Variants in SLC41A3 observed in about 807,000 individuals in gnomAD.
SLC41A3 encodes SLC41A1-like 2.
In SLC41A3, 44 loss-of-function variants were observed where a neutral mutation model predicts 45.4. That is an observed-to-expected ratio of 0.97 (90% confidence interval 0.76 to 1.25). The LOEUF (loss-of-function observed/expected upper bound fraction) is 1.25. Among genes scored for constraint, SLC41A3 ranks in the 50% most tolerant of loss-of-function variants. SLC41A3 has a pLI of 0.00. For missense variants in SLC41A3, 550 were observed against 600.6 expected, an observed-to-expected ratio of 0.92 and a Z score of 0.88; for synonymous variants, 256 against 252.4, an observed-to-expected ratio of 1.01 and a Z score of -0.13.
intron 8 of SLC41A3, among the ~76,000 whole-genome samples, chr3:126,013,105 T>C (rs559619704): frequency 6.6e-6 from 1 of 151,952 alleles, no homozygotes; most frequent in African/African-American, 2.4e-5. Flanking sequence ...GATAGAAAGG[T>C]CTGAGAATAG....
chr3:126,084,843 A>G (rs7649279), upstream of SLC41A3, among the ~76,000 whole-genome samples: 108,085 of 152,144 alleles, frequency 0.71, 39,560 homozygotes, highest in African/African-American at 0.9. Context: ...CTCAGCCAGG[A>G]CTTTTAGAAT....
intron 6 of SLC41A3, 26 bp from the exon 7 acceptor site, chr3:126,016,901 A>C: frequency 6.2e-7 from 1 of 1,605,894 alleles, no homozygotes; most frequent in Non-Finnish European, 8.5e-7. Context: ...GGACACACGC[A>C]GCTCATGTGG....
intron 1 of SLC41A3, among the ~76,000 whole-genome samples, chr3:126,097,779 A>G (rs900982090): frequency 6.6e-6 from 1 of 152,176 alleles, no homozygotes; most frequent in Non-Finnish European, 1.5e-5. Flanking sequence ...AAGCACGGGG[A>G]AAATGGGAGC....
intron 6 of SLC41A3, 42 bp from the exon 7 acceptor site, chr3:126,016,917 G>C (rs768325017): frequency 1.9e-6 from 3 of 1,600,256 alleles, no homozygotes; most frequent in Admixed American, 3.4e-5. Context: ...TGTGGCCAAG[G>C]CCAGCACACA....
intron 1 of SLC41A3, among the ~76,000 whole-genome samples, chr3:126,099,057 G>A (rs1411047447): frequency 6.6e-6 from 1 of 151,002 alleles, no homozygotes; most frequent in Non-Finnish European, 1.5e-5. Context: ...ATGAGCCACT[G>A]TGCCTGGCCA....
At chr3:126,051,338 C>G (rs1943323265) in intron 2 of SLC41A3, among the ~76,000 whole-genome samples, 1 of 152,216 alleles carries the variant, frequency 6.6e-6, no homozygotes, top group African/African-American at 2.4e-5. Context: ...ACCATGGGTT[C>G]TCTAGAGGCA....
intron 3 of SLC41A3, among the ~76,000 whole-genome samples, chr3:126,041,007 A>G (rs1472647406): frequency 6.6e-6 from 1 of 152,226 alleles, no homozygotes; most frequent in East Asian, 1.9e-4. Flanking sequence ...ATGGTCCTTC[A>G]TAAATAAAAA....
At chr3:126,011,314 C>G (rs1460950254) in intron 9 of SLC41A3, among the ~76,000 whole-genome samples, 3 of 152,160 alleles carry the variant, frequency 2.0e-5, no homozygotes, top group African/African-American at 7.2e-5. Context: ...TCCCAGACAA[C>G]TCAGTGAATA....
chr3:126,022,709 C>T (rs1377604517), intron 6 of SLC41A3, 77 bp downstream of exon 6: 7 of 1,570,112 alleles, frequency 4.5e-6, no homozygotes, highest in Non-Finnish European at 5.2e-6. Context: ...AAAGTACCCA[C>T]TCAGCCTCAG....
At chr3:126,099,277 C>T (rs1945663721) in intron 1 of SLC41A3, among the ~76,000 whole-genome samples, 1 of 152,152 alleles carries the variant, frequency 6.6e-6, no homozygotes, top group Admixed American at 6.5e-5. Flanking sequence ...AACTTTCCCA[C>T]CATCTACCTG....
chr3:126,064,802 G>A (rs953220035), intron 2 of SLC41A3, among the ~76,000 whole-genome samples: 3 of 152,326 alleles, frequency 2.0e-5, no homozygotes, highest in African/African-American at 7.2e-5. Flanking sequence ...CAGAGCCCAG[G>A]ACTGCATCAG....
intron 1 of SLC41A3, among the ~76,000 whole-genome samples, chr3:126,079,530 G>A (rs144639339): frequency 1.0e-3 from 153 of 152,296 alleles, no homozygotes; most frequent in Non-Finnish European, 1.7e-3. Context: ...CAAGAGCTCA[G>A]CTGGAGAAAC....
chr3:126,084,456 C>G (rs972882599), upstream of SLC41A3: 3 of 152,178 alleles, frequency 2.0e-5, no homozygotes, highest in Admixed American at 2.0e-4. Flanking sequence ...TAGAAAGGTA[C>G]GGAGAACGGG....
At chr3:126,059,167 C>T (rs1488466325) in intron 2 of SLC41A3, among the ~76,000 whole-genome samples, 3 of 149,034 alleles carry the variant, frequency 2.0e-5, no homozygotes, top group Non-Finnish European at 3.0e-5. Flanking sequence ...TGCCAGCCTC[C>T]GCCCTAAATG....
intron 1 of SLC41A3, among the ~76,000 whole-genome samples, chr3:126,079,646 T>C (rs1945055310): frequency 6.6e-6 from 1 of 152,172 alleles, no homozygotes. Context: ...TCAATGAAAA[T>C]GACAATTTTA....
rs554088017 is a variant in SLC41A3, at chr3:126,078,212, C to T, written c.-28+5881G>A. ...CATCCCTTAGGTCCTAACAGCAGAACCCATTCCACCTTCCTCATGACCTTC... is the reference window on the plus strand; with the variant it reads ...CATCCCTTAGGTCCTAACAGCAGAATCCATTCCACCTTCCTCATGACCTTC... On this transcript the variant is annotated intron_variant, in intron 1 of 10. Coordinates refer to ENST00000360370, the MANE Select transcript of SLC41A3 (RefSeq NM_017836.4). 1.8e-3 allele frequency among the ~76,000 whole-genome samples: 270 copies of T among 152,330 alleles called. 2 individuals are homozygous for T. The highest frequency in any genetic ancestry group is 3.2e-3 in the Admixed American group (49 of 15,308).
At chr3:126,065,320 T>C (rs950317856) in intron 2 of SLC41A3, among the ~76,000 whole-genome samples, 1 of 152,256 alleles carries the variant, frequency 6.6e-6, no homozygotes, top group African/African-American at 2.4e-5. Flanking sequence ...AAATTTGTGG[T>C]AATGTGGAAC....
intron 9 of SLC41A3, among the ~76,000 whole-genome samples, chr3:126,010,582 T>C (rs1559803242): frequency 6.6e-6 from 1 of 152,134 alleles, no homozygotes; most frequent in Non-Finnish European, 1.5e-5. Context: ...CAAACTCTAT[T>C]CCAACAAACA....
intron 8 of SLC41A3, among the ~76,000 whole-genome samples, chr3:126,013,262 G>A (rs1222279558): frequency 6.6e-6 from 1 of 151,826 alleles, no homozygotes; most frequent in African/African-American, 2.4e-5. Context: ...GAAGACAGTG[G>A]ATAAGAATGA....
Sources: allele counts gnomAD v4.1 joint callset (sites outside exome capture counted in the v4.1 genomes callset), GRCh38; gene constraint gnomAD v4.1.1; transcripts MANE v1.5; gene names NCBI Gene and HGNC (gene_info 2026-07-23, HGNC 2026-07-21).